Variants in TSPAN9 observed in about 807,000 individuals in gnomAD.
TSPAN9 encodes the protein tetraspanin-9.
TSPAN9 carries 16 observed loss-of-function variants against 31.0 expected under a neutral mutation model. That is an observed-to-expected ratio of 0.52 (90% CI 0.35 to 0.78). TSPAN9 has a LOEUF of 0.78. Ranked by LOEUF, TSPAN9 falls within the 30% of genes least tolerant of loss-of-function variation. The pLI is 0.01. For missense variants in TSPAN9, 272 were observed against 312.5 expected, an observed-to-expected ratio of 0.87 and a Z score of 0.98; for synonymous variants, 145 against 121.6, an observed-to-expected ratio of 1.19 and a Z score of -1.27.
chr12:3,212,794 C>T (rs2098379441), intron 3 of TSPAN9, among the ~76,000 whole-genome samples: 1 of 152,180 alleles, frequency 6.6e-6, no homozygotes, highest in Non-Finnish European at 1.5e-5. Flanking sequence ...TGTCTGTGTT[C>T]ATGTCCCGCA....
At chr12:3,140,932 A>C (rs538321750) in intron 2 of TSPAN9, among the ~76,000 whole-genome samples, 1 of 148,784 alleles carries the variant, frequency 6.7e-6, no homozygotes, top group East Asian at 2.1e-4. Flanking sequence ...TTAAGGACCA[A>C]GGGTGTTTTG....
chr12:3,113,630 G>A (rs892263520), intron 2 of TSPAN9, among the ~76,000 whole-genome samples: 3 of 152,134 alleles, frequency 2.0e-5, no homozygotes, highest in Admixed American at 6.5e-5. Context: ...AGGTGTATCC[G>A]ATGGTTCTCA....
chr12:3,129,904 C>A (rs2098329024), intron 2 of TSPAN9, among the ~76,000 whole-genome samples: 1 of 152,164 alleles, frequency 6.6e-6, no homozygotes, highest in Non-Finnish European at 1.5e-5. Flanking sequence ...GTTTATTGTT[C>A]ATCCCTGACC....
At position 3,143,623 on chromosome 12, in the gene TSPAN9, T is replaced by A. The variant is rs1176240063; in HGVS notation, c.-17-57554T>A. Among the ~76,000 whole-genome samples, 1 of 152,204 alleles carries A rather than the reference T, an allele frequency of 6.6e-6. No homozygotes were observed. The highest frequency in any genetic ancestry group is 2.4e-5 in the African/African-American group (1 of 41,450). ...ATGGATATAGGATATATAATAAATA[T>A]CAGGATATATATTTTATCCTATAGG... is the stretch of plus-strand genomic sequence containing the variant. On this transcript the variant is annotated intron_variant, in intron 2 of 8. Coordinates refer to ENST00000011898, the MANE Select transcript of TSPAN9 (RefSeq NM_006675.5). The surrounding 1 kb of genome is among the most constrained non-coding windows in gnomAD (Gnocchi z 4.2).
chr12:3,201,088 G>A, intron 2 of TSPAN9, 89 bp from the exon 3 acceptor site: 2 of 1,267,356 alleles, frequency 1.6e-6, no homozygotes, highest in Non-Finnish European at 2.3e-6. Flanking sequence ...GCCGCGCCGA[G>A]GCCGGCGTTA....
intron 3 of TSPAN9, among the ~76,000 whole-genome samples, chr12:3,270,400 C>CTAG (rs1243571406): frequency 1.3e-5 from 2 of 152,216 alleles, no homozygotes; most frequent in Admixed American, 6.5e-5. Context: ...TCCTTGCTAT[C>CTAG]TAGGCATCGC....
chr12:3,211,057 GC>G (rs2098378416), intron 3 of TSPAN9, among the ~76,000 whole-genome samples: 1 of 152,120 alleles, frequency 6.6e-6, no homozygotes, highest in Non-Finnish European at 1.5e-5. Flanking sequence ...CAGCTTTACA[GC>G]CTGGTAGTAA....
At chr12:3,097,923 A>G (rs545669931) in intron 2 of TSPAN9, among the ~76,000 whole-genome samples, 1 of 152,354 alleles carries the variant, frequency 6.6e-6, no homozygotes, top group East Asian at 1.9e-4. Flanking sequence ...TGAGGGAGAC[A>G]TGTGAGCACC....
rs567871635 is a variant in TSPAN9, at chr12:3,119,318, C to T, written c.-18+35599C>T. ...ACTTATAGGTGAGAAAAACAAGGCT[C>T]GGGGGGTTCACTGACTCCCCAGGGT... is the stretch of plus-strand genomic sequence containing the variant. On this transcript the variant is annotated intron_variant, in intron 2 of 8. Coordinates refer to ENST00000011898, the MANE Select transcript of TSPAN9 (RefSeq NM_006675.5). Among the ~76,000 whole-genome samples the T allele has an allele frequency of 9.9e-5, 15 of 152,220 alleles. No homozygotes were observed. The South Asian group carries it at 2.7e-3, about 27-fold the overall frequency.
intron 3 of TSPAN9, among the ~76,000 whole-genome samples, chr12:3,228,733 G>A (rs546141051): frequency 1.3e-5 from 2 of 152,312 alleles, no homozygotes; most frequent in African/African-American, 4.8e-5. Flanking sequence ...AGGGTGTGTC[G>A]GTTTTCTGGG....
chr12:3,167,193 G>T (rs780477326), intron 2 of TSPAN9, among the ~76,000 whole-genome samples: 2 of 152,262 alleles, frequency 1.3e-5, no homozygotes, highest in South Asian at 2.1e-4. Flanking sequence ...ATTCATCCAC[G>T]TAGCTGCAAG....
intron 2 of TSPAN9, 29 bp from the exon 3 acceptor site, chr12:3,201,148 C>T (rs1382950846): frequency 2.5e-6 from 4 of 1,594,444 alleles, no homozygotes; most frequent in Admixed American, 1.7e-5. Flanking sequence ...TGGTGTTTTA[C>T]CTGGACCTGT....
At chr12:3,163,728 G>A (rs1325397438) in intron 2 of TSPAN9, among the ~76,000 whole-genome samples, 2 of 152,150 alleles carry the variant, frequency 1.3e-5, no homozygotes, top group African/African-American at 4.8e-5. Flanking sequence ...ATATCTCTGT[G>A]CAGCTAGCAT....
chr12:3,184,569 G>C (rs761027778), intron 2 of TSPAN9, among the ~76,000 whole-genome samples: 39 of 152,162 alleles, frequency 2.6e-4, no homozygotes, highest in Non-Finnish European at 1.0e-4. Context: ...CAGGTAGCAA[G>C]GGGAAAGGTA....
intron 2 of TSPAN9, among the ~76,000 whole-genome samples, chr12:3,149,462 A>C (rs972914912): frequency 1.3e-5 from 2 of 152,228 alleles, no homozygotes; most frequent in Admixed American, 6.5e-5. Flanking sequence ...ATTCTTCAGA[A>C]GCTAAAGAGA....
intron 3 of TSPAN9, among the ~76,000 whole-genome samples, chr12:3,214,945 T>C (rs546301578): frequency 2.6e-5 from 4 of 152,066 alleles, no homozygotes; most frequent in Admixed American, 6.5e-5. Flanking sequence ...TGCCTGCCTC[T>C]CACCCGGCTC....
At chr12:3,156,099 C>T (rs1361664670) in intron 2 of TSPAN9, among the ~76,000 whole-genome samples, 3 of 152,204 alleles carry the variant, frequency 2.0e-5, no homozygotes, top group Non-Finnish European at 4.4e-5. Flanking sequence ...GTGACAATGT[C>T]AGCTCCAGTT....
intron 7 of TSPAN9, 34 bp downstream of exon 7, chr12:3,281,363 G>C (rs1431662828): frequency 2.0e-6 from 3 of 1,530,984 alleles, no homozygotes; most frequent in Admixed American, 4.2e-5. Flanking sequence ...GGGTCCAAGA[G>C]CCCGTGTGTG....
rs768833250 is a variant in TSPAN9, at chr12:3,278,378, T to G, written c.64-43T>G. The G allele has an allele frequency of 3.1e-6, 5 of 1,606,642 alleles. No individual in the cohort carries two copies. The South Asian group carries it at 5.6e-5, about 18-fold the overall frequency. On this transcript the variant is annotated intron_variant, in intron 3 of 8. Transcript: ENST00000011898. ...CACTGTTCCCAGGTCCATGGACGAA[T>G]GTGAGAGCAGCGCCAGGCTAATGGG...
Sources: allele counts gnomAD v4.1 joint callset (sites outside exome capture counted in the v4.1 genomes callset), GRCh38; gene constraint gnomAD v4.1.1; non-coding constraint Gnocchi (gnomAD v3.1); transcripts MANE v1.5; gene names NCBI Gene and HGNC (gene_info 2026-07-23, HGNC 2026-07-21).